The following ZNF346 variants were observed in gnomAD, a reference collection of about 807,000 sequenced individuals.
The protein encoded by ZNF346 is double-stranded RNA-binding zinc finger protein JAZ.
ZNF346 carries 23 observed loss-of-function variants against 33.7 expected under a neutral mutation model. That is an observed-to-expected ratio of 0.68 (90% CI 0.49 to 0.97). ZNF346 has a LOEUF of 0.97. ZNF346 is among the 50% of genes least tolerant of loss of function. The pLI, the probability that ZNF346 is intolerant of heterozygous loss-of-function variation, is 0.00. For synonymous variants in ZNF346, 134 were observed against 142.4 expected, an observed-to-expected ratio of 0.94 and a Z score of 0.42; for missense variants, 340 against 371.1, an observed-to-expected ratio of 0.92 and a Z score of 0.69.
intron 5 of ZNF346, among the ~76,000 whole-genome samples, chr5:177,059,094 C>A (rs1373616605): frequency 6.6e-6 from 1 of 152,182 alleles, no homozygotes; most frequent in Non-Finnish European, 1.5e-5. Flanking sequence ...GCCATTCATT[C>A]ATTTAGTTCA....
downstream of ZNF346, among the ~76,000 whole-genome samples, chr5:177,072,171 G>C (rs1276673150): frequency 6.6e-6 from 1 of 152,218 alleles, no homozygotes; most frequent in East Asian, 1.9e-4. Context: ...GATTTCACAG[G>C]AGAAAGTCAG....
chr5:177,044,320 TGG>T, intron 3 of ZNF346, 67 bp from the exon 4 acceptor site: 1 of 1,591,412 alleles, frequency 6.3e-7, no homozygotes, highest in Admixed American at 1.7e-5. Context: ...TTATGGGCAG[TGG>T]GGAACCATTG....
chr5:177,075,837 C>T (rs1783721973), intron 8 of ZNF346, among the ~76,000 whole-genome samples: 1 of 152,212 alleles, frequency 6.6e-6, no homozygotes. Flanking sequence ...CAGGCACCCG[C>T]CACCACGCCC....
chr5:177,022,921 G>T lies in ZNF346; in HGVS notation c.175+8G>T. The T allele has an allele frequency of 6.8e-7, 1 of 1,460,902 alleles. No homozygotes were observed. The highest frequency in any genetic ancestry group is 9.0e-7 in the Non-Finnish European group (1 of 1,107,140). 90.5% of individuals were successfully genotyped at this position (1,460,902 alleles called of 1,614,324 possible). A position where few individuals can be genotyped will look rare whatever the true frequency, so the allele number is the denominator to read the frequency against. On this transcript the variant is annotated splice_region_variant and intron_variant, in intron 1 of 6. Transcript: ENST00000358149. Reference sequence around the variant, plus strand: ...CGGTGGGTAGAGAGGAAGGTGAGTCGGGGGCTTTGGAGGCAGAAAGCCCCT... The same window carrying T: ...CGGTGGGTAGAGAGGAAGGTGAGTCTGGGGCTTTGGAGGCAGAAAGCCCCT...
intron 5 of ZNF346, among the ~76,000 whole-genome samples, chr5:177,061,401 C>T (rs577900014): frequency 2.0e-5 from 3 of 152,212 alleles, no homozygotes; most frequent in East Asian, 1.9e-4. Context: ...GCCAAGATCG[C>T]GCCACTGCAC....
rs1783241173 is a variant in ZNF346, at chr5:177,067,113, G to A, written c.*2514G>A. Among the ~76,000 whole-genome samples the A allele has an allele frequency of 6.6e-6, 1 of 152,088 alleles. No homozygotes were observed. The highest frequency in any genetic ancestry group is 2.4e-5 in the African/African-American group (1 of 41,416). ...AAAGAAGGTAGCCAGGTGTGGTGGT[G>A]CATTCCTGTAGTCCTGGCTACCTGG... is the stretch of plus-strand genomic sequence containing the variant. On this transcript the variant is annotated 3_prime_UTR_variant, in exon 7 of 7. Transcript: ENST00000358149.
intron 1 of ZNF346, among the ~76,000 whole-genome samples, chr5:177,028,757 T>G (rs1777254242): frequency 7.6e-6 from 1 of 131,106 alleles, no homozygotes; most frequent in African/African-American, 3.1e-5. Context: ...TCTCGCTCTG[T>G]TGCCCAGGCT....
At chr5:177,036,214 C>G (rs921535050) in intron 1 of ZNF346, among the ~76,000 whole-genome samples, 4 of 152,170 alleles carry the variant, frequency 2.6e-5, no homozygotes, top group African/African-American at 9.7e-5. Context: ...GTGTCAGGAA[C>G]TCTCCATGTG....
At chr5:177,028,474 T>G (rs2149583717) in intron 1 of ZNF346, among the ~76,000 whole-genome samples, 1 of 111,508 alleles carries the variant, frequency 9.0e-6, no homozygotes, top group East Asian at 2.4e-4. Context: ...TATAAATTTC[T>G]CTCTTAAGCA....
In ZNF346 at chr5:177,066,004, A is replaced by G. The variant is rs2149712619; in HGVS notation, c.*1405A>G. On this transcript the variant is annotated 3_prime_UTR_variant, in exon 7 of 7. Coordinates refer to ENST00000358149, the MANE Select transcript of ZNF346 (RefSeq NM_012279.4). ...CTTAACAGACCTAGGGTTTTGAGCC[A>G]TATTGCCATTGGATCTAGTATGTCT... The G allele has an allele frequency of 6.9e-6, 1 of 145,072 alleles. No homozygotes were observed. Among genetic ancestry groups the G allele is most frequent in the South Asian group, 2.3e-4 (1 of 4,282 alleles). 9.0% of individuals were successfully genotyped at this position (145,072 alleles called of 1,614,324 possible).
intron 3 of ZNF346, 70 bp from the exon 4 acceptor site, chr5:177,044,319 G>A: frequency 6.3e-7 from 1 of 1,589,476 alleles, no homozygotes; most frequent in Non-Finnish European, 8.6e-7. Flanking sequence ...GTTATGGGCA[G>A]TGGGGAACCA....
exon 9 of ZNF346, chr5:177,081,024 C>G (rs1674030929): frequency 6.6e-6 from 1 of 152,054 alleles, no homozygotes; most frequent in Admixed American, 6.6e-5. Flanking sequence ...AGGCAGATTG[C>G]TTGAGCCCAG....
intron 1 of ZNF346, among the ~76,000 whole-genome samples, chr5:177,024,233 C>G (rs551499594): frequency 8.2e-6 from 1 of 121,376 alleles, no homozygotes; most frequent in South Asian, 2.8e-4. Flanking sequence ...GAGAGTCTCA[C>G]TCTGTCACCC....
chr5:177,031,465 C>A (rs1015099248), intron 1 of ZNF346, among the ~76,000 whole-genome samples: 4 of 152,180 alleles, frequency 2.6e-5, no homozygotes, highest in African/African-American at 9.7e-5. Flanking sequence ...AAGAAGTTGT[C>A]ATTAATTGAA....
At chr5:177,024,989 T>G (rs1374025687) in intron 1 of ZNF346, among the ~76,000 whole-genome samples, 2 of 152,200 alleles carry the variant, frequency 1.3e-5, no homozygotes, top group Non-Finnish European at 2.9e-5. Flanking sequence ...ACCATACAAG[T>G]CACCCATTGT....
At chr5:177,051,369 G>T (rs1174215523) in intron 5 of ZNF346, among the ~76,000 whole-genome samples, 1 of 151,358 alleles carries the variant, frequency 6.6e-6, no homozygotes, top group African/African-American at 2.4e-5. Context: ...TAGAGACGGG[G>T]TTTCACCATG....
At chr5:177,044,247 G>C (rs762741735) in intron 3 of ZNF346, 142 bp from the exon 4 acceptor site, 9 of 878,222 alleles carry the variant, frequency 1.0e-5, no homozygotes, top group Non-Finnish European at 1.6e-5. Context: ...CAAAGTAGCT[G>C]GAGAAGAATC....
In ZNF346 at chr5:177,048,489, C is replaced by T. The variant is rs551033770; in HGVS notation, c.518-2262C>T. 1.8e-3 allele frequency among the ~76,000 whole-genome samples: 279 copies of T among 152,212 alleles called. 1 individual carries two copies. Among genetic ancestry groups the T allele is most frequent in the African/African-American group, 4.8e-3 (201 of 41,532 alleles). On this transcript the variant is annotated intron_variant, in intron 4 of 6. Coordinates refer to ENST00000358149, the MANE Select transcript of ZNF346 (RefSeq NM_012279.4). ...ATACAAAATTAGCTGGGCATGGTGG[C>T]GTATGCCTGTAATCCCATCTACTTC...
chr5:177,029,923 G>A (rs747615945), intron 1 of ZNF346, among the ~76,000 whole-genome samples: 55 of 152,206 alleles, frequency 3.6e-4, no homozygotes, highest in Non-Finnish European at 6.6e-4. Flanking sequence ...CCCTCAACCT[G>A]TAGGATCTGA....
Sources: gnomAD v4.1 joint callset for allele counts (sites outside exome capture counted in the v4.1 genomes callset) on GRCh38, gnomAD v4.1.1 for gene constraint, MANE v1.5 for transcripts, NCBI Gene and HGNC (gene_info 2026-07-23, HGNC 2026-07-21) for gene names.